Variants in MCCC1 observed in about 807,000 individuals in gnomAD.
MCCC1 encodes methylcrotonyl-CoA carboxylase subunit 1, also known as methylcrotonoyl-CoA carboxylase subunit alpha, mitochondrial.
A neutral mutation model predicts 83.8 loss-of-function variants in MCCC1; 64 were observed. The observed-to-expected ratio is 0.76, with a 90% confidence interval of 0.62 to 0.94. MCCC1 has a LOEUF of 0.94. MCCC1 is among the 40% of genes least tolerant of loss of function. The pLI, the probability that MCCC1 is intolerant of heterozygous loss-of-function variation, is 0.00. For missense variants in MCCC1, 807 were observed against 904.7 expected, an observed-to-expected ratio of 0.89 and a Z score of 1.39; for synonymous variants, 322 against 315.4, an observed-to-expected ratio of 1.02 and a Z score of -0.22.
At chr3:183,076,794 G>A (rs775593657) in intron 4 of MCCC1, among the ~76,000 whole-genome samples, 7 of 152,114 alleles carry the variant, frequency 4.6e-5, no homozygotes, top group Non-Finnish European at 8.8e-5. Context: ...TATACTCAAA[G>A]TCGCACAATT....
Position 183,041,642 on chromosome 3 carries a change from C to T in MCCC1, c.1192G>A (p.Val398Met). 6.2e-7 allele frequency: 1 copy of T among 1,614,228 alleles called. No homozygotes were observed. The highest frequency in any genetic ancestry group is 8.5e-7 in the Non-Finnish European group (1 of 1,180,024). Residue 398 changes from valine to methionine, a missense_variant, in exon 11 of 19, where the codon GTG becomes ATG. Physicochemically the swap from Val to Met is conservative, Grantham distance 21. Coordinates refer to ENST00000265594, the MANE Select transcript of MCCC1 (RefSeq NM_020166.5). ...GAGAGGTGCACTAATGGGCCTGCCACAGGCATGAAGTTATTGCTAGGATCT... is the reference window on the plus strand; with the variant it reads ...GAGAGGTGCACTAATGGGCCTGCCATAGGCATGAAGTTATTGCTAGGATCT... ...AEDPSNNFMP[V>M]AGPLVHLSTP...
At chr3:183,094,261 G>T (rs959469341) in intron 2 of MCCC1, among the ~76,000 whole-genome samples, 5 of 151,816 alleles carry the variant, frequency 3.3e-5, no homozygotes, top group Admixed American at 3.3e-4. Context: ...TGTTGTCCAG[G>T]CTGGTCTCGA....
intron 7 of MCCC1, among the ~76,000 whole-genome samples, chr3:183,070,682 G>A (rs1188870495): frequency 2.0e-5 from 3 of 151,608 alleles, no homozygotes; most frequent in East Asian, 3.9e-4. Context: ...GCAATGAGCC[G>A]AGATCGTGCC....
intron 7 of MCCC1, among the ~76,000 whole-genome samples, chr3:183,065,069 T>C (rs532533478): frequency 1.3e-5 from 2 of 151,818 alleles, no homozygotes; most frequent in East Asian, 3.9e-4. Flanking sequence ...GTAGTGAATC[T>C]GGTGTGCTTT....
At chr3:183,022,623 C>T in intron 15 of MCCC1, 69 bp from the exon 16 acceptor site, 1 of 1,277,230 alleles carries the variant, frequency 7.8e-7, no homozygotes, top group Non-Finnish European at 1.1e-6. Context: ...AGATCAGAAT[C>T]AATTCTTCAC....
intron 1 of MCCC1, among the ~76,000 whole-genome samples, chr3:183,113,462 G>GC (rs1283221267): frequency 2.0e-5 from 3 of 151,646 alleles, no homozygotes; most frequent in Non-Finnish European, 4.4e-5. Context: ...TATACCTAAT[G>GC]TAAATGACGA....
chr3:183,102,841 C>CA (rs946768944), upstream of MCCC1, among the ~76,000 whole-genome samples: 1 of 115,194 alleles, frequency 8.7e-6, no homozygotes, highest in Non-Finnish European at 1.6e-5. Flanking sequence ...GGCTAGAGTG[C>CA]AATGGCATGA....
intron 8 of MCCC1, among the ~76,000 whole-genome samples, chr3:183,053,314 C>T (rs1196069268): frequency 1.3e-5 from 2 of 151,798 alleles, no homozygotes; most frequent in Non-Finnish European, 2.9e-5. Context: ...CATGGCGAGA[C>T]CCTGTCTCTA....
intron 14 of MCCC1, among the ~76,000 whole-genome samples, chr3:183,031,514 T>TC (rs1713069692): frequency 6.7e-6 from 1 of 148,764 alleles, no homozygotes; most frequent in African/African-American, 2.5e-5. Flanking sequence ...TTTTTTTTTT[T>TC]TGGGACAGGG....
chr3:183,023,344 C>T (rs1304263502), intron 15 of MCCC1, among the ~76,000 whole-genome samples: 2 of 152,204 alleles, frequency 1.3e-5, no homozygotes, highest in African/African-American at 4.8e-5. Context: ...CATTGGTTCT[C>T]ATCTATCCTA....
intron 10 of MCCC1, among the ~76,000 whole-genome samples, chr3:183,042,580 G>C (rs1714178555): frequency 6.6e-6 from 1 of 152,118 alleles, no homozygotes; most frequent in African/African-American, 2.4e-5. Flanking sequence ...AGAAGCAAAA[G>C]TTTCATTTTT....
rs914162141 is a variant in MCCC1 at position 183,015,373 on chromosome 3, G to T, written c.*65C>A. Reference sequence around the variant, plus strand: ...CTTTATGAGACCCCCAGAAAAGCTGGAGGCACTTCCTCTTTTTGGTGGAGA... The same window carrying T: ...CTTTATGAGACCCCCAGAAAAGCTGTAGGCACTTCCTCTTTTTGGTGGAGA... On this transcript the variant is annotated 3_prime_UTR_variant, in exon 19 of 19. Transcript: ENST00000265594. 1.3e-6 allele frequency: 2 copies of T among 1,583,766 alleles called. No individual in the cohort carries two copies. Among genetic ancestry groups the T allele is most frequent in the Non-Finnish European group, 8.7e-7 (1 of 1,152,744 alleles).
upstream of MCCC1, chr3:183,099,499 G>T: frequency 1.9e-6 from 3 of 1,549,272 alleles, no homozygotes; most frequent in Non-Finnish European, 2.6e-6. Context: ...CGTCCCACAC[G>T]CCAAACCCGT....
intron 3 of MCCC1, among the ~76,000 whole-genome samples, chr3:183,087,403 A>T (rs1003923175): frequency 1.3e-5 from 2 of 152,182 alleles, no homozygotes; most frequent in African/African-American, 4.8e-5. Context: ...GAACAAGACA[A>T]ATGTCCCTGT....
intron 4 of MCCC1, among the ~76,000 whole-genome samples, chr3:183,083,727 TAAAAAG>T (rs1202401371): frequency 2.0e-5 from 3 of 152,104 alleles, no homozygotes; most frequent in Non-Finnish European, 4.4e-5. Context: ...AAATGGTCAT[TAAAAAG>T]AAAGTGGATT....
At chr3:183,094,655 A>G (rs1718611116) in intron 1 of MCCC1, 50 bp from the exon 2 acceptor site, 1 of 1,556,428 alleles carries the variant, frequency 6.4e-7, no homozygotes, top group African/African-American at 1.4e-5. Flanking sequence ...TAGGCAACAC[A>G]ATTGTTCTTT....
At chr3:183,109,888 C>A (rs1386397539) in intron 1 of MCCC1, among the ~76,000 whole-genome samples, 1 of 152,200 alleles carries the variant, frequency 6.6e-6, no homozygotes, top group African/African-American at 2.4e-5. Flanking sequence ...TATAAACGTT[C>A]CCTTTTCTCT....
intron 4 of MCCC1, among the ~76,000 whole-genome samples, chr3:183,078,371 T>C (rs1260868572): frequency 6.6e-6 from 1 of 152,198 alleles, no homozygotes; most frequent in Non-Finnish European, 1.5e-5. Flanking sequence ...TACATAAGCT[T>C]TTCAAAAATT....
intron 9 of MCCC1, among the ~76,000 whole-genome samples, chr3:183,050,539 C>A (rs549338025): frequency 6.6e-6 from 1 of 151,852 alleles, no homozygotes; most frequent in Non-Finnish European, 1.5e-5. Flanking sequence ...CCCGCCTCTA[C>A]TAAAAATGCA....
Sources: allele counts gnomAD v4.1 joint callset (sites outside exome capture counted in the v4.1 genomes callset), GRCh38; gene constraint gnomAD v4.1.1; transcripts MANE v1.5; gene names NCBI Gene and HGNC (gene_info 2026-07-23, HGNC 2026-07-21).